MOCOS: variants seen among roughly 807,000 people sequenced by gnomAD.
The protein encoded by MOCOS is molybdenum cofactor sulfurase.
Under a neutral mutation model 83.6 loss-of-function variants are expected in MOCOS, and 86 were observed. That is an observed-to-expected ratio of 1.03 (90% CI 0.86 to 1.23). The LOEUF (loss-of-function observed/expected upper bound fraction) is 1.23. MOCOS is among the 50% of genes most tolerant of loss of function. MOCOS has a pLI of 0.00. For missense variants in MOCOS, 1,120 were observed against 1,126.9 expected, an observed-to-expected ratio of 0.99 and a Z score of 0.09; for synonymous variants, 445 against 434.7, an observed-to-expected ratio of 1.02 and a Z score of -0.29.
intron 7 of MOCOS, among the ~76,000 whole-genome samples, chr18:36,215,220 C>T (rs188066050): frequency 2.3e-4 from 35 of 152,300 alleles, no homozygotes; most frequent in Admixed American, 1.4e-3. Context: ...CTCTGTGAGC[C>T]AGCCCTGTGC....
At chr18:36,208,584 C>T (rs1261695290) in intron 6 of MOCOS, among the ~76,000 whole-genome samples, 2 of 152,118 alleles carry the variant, frequency 1.3e-5, no homozygotes, top group Non-Finnish European at 2.9e-5. Context: ...CTTGATTTGG[C>T]TTTCAGCTTG....
intron 7 of MOCOS, 89 bp downstream of exon 7, chr18:36,213,571 C>A: frequency 3.9e-6 from 4 of 1,030,598 alleles, no homozygotes; most frequent in Non-Finnish European, 4.6e-6. Flanking sequence ...GGGGCTGCTG[C>A]TGCATACTCA....
chr18:36,250,881 A>C (rs2091619272), intron 10 of MOCOS, among the ~76,000 whole-genome samples: 1 of 152,170 alleles, frequency 6.6e-6, no homozygotes, highest in African/African-American at 2.4e-5. Flanking sequence ...TAAGCATTCT[A>C]AGCTTTGTGG....
chr18:36,200,196 C>G lies in MOCOS; in HGVS notation c.813C>G (p.Gly271=). The change falls in exon 4 of 15, where the codon GGC becomes GGG. Residue 271 remains glycine (G), a synonymous_variant. Coordinates refer to ENST00000261326, the MANE Select transcript of MOCOS (RefSeq NM_017947.4). ...SFYKIFGFPT[G]LGALLVHNRA... ...ATAAGATCTTCGGGTTTCCTACAGGCCTGGGCGCTCTGCTGGTCCATAATC... is the reference window on the plus strand; with the variant it reads ...ATAAGATCTTCGGGTTTCCTACAGGGCTGGGCGCTCTGCTGGTCCATAATC... The G allele has an allele frequency of 6.2e-7, 1 of 1,614,204 alleles. No individual in the cohort carries two copies. The highest frequency in any genetic ancestry group is 8.5e-7 in the Non-Finnish European group (1 of 1,180,038).
At chr18:36,257,783 G>T (rs548037010) in intron 12 of MOCOS, among the ~76,000 whole-genome samples, 1 of 152,176 alleles carries the variant, frequency 6.6e-6, no homozygotes, top group African/African-American at 2.4e-5. Context: ...TGTTGTTAGT[G>T]GCTCACCCCT....
chr18:36,244,931 A>G (rs1451428959), intron 9 of MOCOS, among the ~76,000 whole-genome samples: 2 of 152,142 alleles, frequency 1.3e-5, no homozygotes, highest in Non-Finnish European at 2.9e-5. Flanking sequence ...TTTGTCTGCT[A>G]TAAGAATAGC....
intron 7 of MOCOS, among the ~76,000 whole-genome samples, chr18:36,213,829 T>C (rs1274181076): frequency 6.6e-6 from 1 of 151,694 alleles, no homozygotes; most frequent in Non-Finnish European, 1.5e-5. Flanking sequence ...CTTGGGAGGC[T>C]GAGGCAGGAG....
chr18:36,259,343 G>A (rs2091653864), intron 12 of MOCOS, among the ~76,000 whole-genome samples: 1 of 151,634 alleles, frequency 6.6e-6, no homozygotes, highest in African/African-American at 2.4e-5. Context: ...TACTTGGGAG[G>A]CTGAGGCAGG....
rs201489731 is a variant in MOCOS, at chr18:36,203,103, G to A, written c.942-10G>A. On this transcript the variant is annotated splice_polypyrimidine_tract_variant and intron_variant, in intron 4 of 14. Transcript: ENST00000261326. ...CAGCTTGACCTGTTCTCCTTACCCC[G>A]TGGTTATAGGTTTGAAGATGGCACC... 15 of 1,613,474 alleles carry A rather than the reference G, an allele frequency of 9.3e-6. No individual in the cohort carries two copies. Among genetic ancestry groups the A allele is most frequent in the East Asian group, 8.9e-5 (4 of 44,880 alleles).
rs1196463274 is a variant in MOCOS, at chr18:36,257,040, G to A, written c.2237G>A (p.Ser746Asn). The stretch of plus-strand genomic sequence containing the variant: ...CAGTATCTGCTGATCAACACATCCA[G>A]TATTTTGGAACTTCACCGGCAACTA... ...EAQYLLINTS[S>N]ILELHRQLNT... The change falls in exon 12 of 15, where the codon AGT (serine) becomes AAT (asparagine). Residue 746 changes from serine (S) to asparagine (N), a missense_variant. By Grantham distance (46) the Ser-to-Asn change is conservative. Coordinates refer to ENST00000261326, the MANE Select transcript of MOCOS (RefSeq NM_017947.4). The A allele has an allele frequency of 8.1e-6, 13 of 1,613,986 alleles. No individual in the cohort carries two copies. Among genetic ancestry groups the A allele is most frequent in the Non-Finnish European group, 1.1e-5 (13 of 1,179,994 alleles).
chr18:36,234,109 C>T lies in MOCOS; in HGVS notation c.1960+13892C>T, dbSNP rs182282261. On this transcript the variant is annotated intron_variant, in intron 9 of 14. Transcript: ENST00000261326. Reference sequence around the variant, plus strand: ...TCTTGGTCATGAATTCTTTGCTTACCGCAATATCTAGAAGGGTTTTTCCAA... The same window carrying T: ...TCTTGGTCATGAATTCTTTGCTTACTGCAATATCTAGAAGGGTTTTTCCAA... Among the ~76,000 whole-genome samples, 563 of 152,126 alleles carry T rather than the reference C, an allele frequency of 3.7e-3. 3 individuals are homozygous for T. The highest frequency in any genetic ancestry group is 5.1e-3 in the Non-Finnish European group (344 of 67,960).
chr18:36,258,604 A>G (rs1309206750), intron 12 of MOCOS, among the ~76,000 whole-genome samples: 2 of 152,142 alleles, frequency 1.3e-5, no homozygotes, highest in African/African-American at 4.8e-5. Flanking sequence ...TCCCAACCCC[A>G]TAGTCTTTCA....
chr18:36,259,596 AG>A (rs1389235011), intron 12 of MOCOS, among the ~76,000 whole-genome samples: 1 of 150,310 alleles, frequency 6.7e-6, no homozygotes, highest in Admixed American at 6.6e-5. Flanking sequence ...TGTGAAAAGA[AG>A]GGGGAAAAAA....
chr18:36,227,015 T>C (rs2091518368), intron 9 of MOCOS, among the ~76,000 whole-genome samples: 1 of 151,446 alleles, frequency 6.6e-6, no homozygotes, highest in Non-Finnish European at 1.5e-5. Context: ...GCCTCCTGAG[T>C]AGTCCTAAGC....
intron 11 of MOCOS, 48 bp from the exon 12 acceptor site, chr18:36,256,920 G>A (rs775199260): frequency 3.4e-6 from 5 of 1,454,478 alleles, no homozygotes; most frequent in Admixed American, 3.3e-5. Context: ...ATGATTCACT[G>A]GCATTCTGAG....
intron 9 of MOCOS, among the ~76,000 whole-genome samples, chr18:36,245,631 C>T (rs2091599595): frequency 6.6e-6 from 1 of 152,052 alleles, no homozygotes; most frequent in Admixed American, 6.6e-5. Context: ...TATGAATTTC[C>T]CAGGTGTTCT....
intron 9 of MOCOS, among the ~76,000 whole-genome samples, chr18:36,234,512 G>C (rs2091550191): frequency 6.6e-6 from 1 of 152,086 alleles, no homozygotes; most frequent in Admixed American, 6.6e-5. Flanking sequence ...GGCTAAGTGG[G>C]CTGTTTTTTT....
At chr18:36,256,692 C>T (rs1473084226) in intron 11 of MOCOS, among the ~76,000 whole-genome samples, 2 of 152,072 alleles carry the variant, frequency 1.3e-5, no homozygotes, top group Non-Finnish European at 2.9e-5. Context: ...TCATGTAACC[C>T]TCCCACCTCA....
At chr18:36,247,297 A>G (rs2091606026) in intron 9 of MOCOS, among the ~76,000 whole-genome samples, 2 of 152,212 alleles carry the variant, frequency 1.3e-5, no homozygotes, top group Non-Finnish European at 2.9e-5. Context: ...TGAGAAAGCA[A>G]GCAGGGCTCT....
Sources: allele counts gnomAD v4.1 joint callset (sites outside exome capture counted in the v4.1 genomes callset), GRCh38; gene constraint gnomAD v4.1.1; transcripts MANE v1.5; gene names NCBI Gene and HGNC (gene_info 2026-07-23, HGNC 2026-07-21).